OTOGL: variants seen among roughly 807,000 people sequenced by gnomAD.
OTOGL encodes the protein otogelin like.
A neutral mutation model predicts 318.5 loss-of-function variants in OTOGL; 285 were observed. The observed-to-expected ratio is 0.89, with a 90% CI of 0.81 to 0.99. The LOEUF (loss-of-function observed/expected upper bound fraction) is 0.99. Among genes scored for constraint, OTOGL ranks in the 50% least tolerant of loss-of-function variants. The pLI, the probability that OTOGL is intolerant of heterozygous loss-of-function variation, is 0.00. For synonymous variants in OTOGL, 987 were observed against 936.5 expected (o/e 1.05, Z -0.99); for missense variants, 2,899 against 2,845.6 (o/e 1.02, Z -0.43).
intron 4 of OTOGL, among the ~76,000 whole-genome samples, chr12:80,214,272 AG>A (rs1877512596): frequency 6.6e-6 from 1 of 152,252 alleles, no homozygotes; most frequent in Admixed American, 6.5e-5. Context: ...GATGTGAAGA[AG>A]GGAGAAAATA....
chr12:80,184,719 T>C (rs565799116), intron 1 of OTOGL, among the ~76,000 whole-genome samples: 2 of 152,324 alleles, frequency 1.3e-5, no homozygotes, highest in East Asian at 3.9e-4. Context: ...ACTGTGCCAC[T>C]GAATCGGTGT....
At chr12:80,323,055 C>G (rs1312882394) in intron 34 of OTOGL, among the ~76,000 whole-genome samples, 2 of 148,642 alleles carry the variant, frequency 1.3e-5, no homozygotes, top group South Asian at 2.2e-4. Flanking sequence ...AAATTCTAAA[C>G]AAGTGTTTGG....
intron 30 of OTOGL, 50 bp from the exon 31 acceptor site, chr12:80,313,426 T>G: frequency 6.6e-7 from 1 of 1,511,562 alleles, no homozygotes; most frequent in Non-Finnish European, 9.1e-7. Flanking sequence ...TGACTTTAAA[T>G]CATAATCAGT....
chr12:80,344,571 T>C (rs1012947594), intron 44 of OTOGL, among the ~76,000 whole-genome samples: 4 of 152,178 alleles, frequency 2.6e-5, no homozygotes, highest in African/African-American at 7.2e-5. Flanking sequence ...TAAATGGGCA[T>C]CAAATTATGT....
intron 37 of OTOGL, among the ~76,000 whole-genome samples, chr12:80,330,865 C>T (rs1048374726): frequency 2.0e-5 from 3 of 152,016 alleles, no homozygotes; most frequent in African/African-American, 7.3e-5. Context: ...ATAAAGAAAA[C>T]AATTGCATTT....
At chr12:80,105,004 G>A (rs1348709495) in intron 1 of OTOGL, among the ~76,000 whole-genome samples, 3 of 152,158 alleles carry the variant, frequency 2.0e-5, no homozygotes, top group African/African-American at 7.2e-5. Context: ...GCTGAGGCAG[G>A]AGAATCGCTT....
At chr12:80,123,028 T>C (rs1432527792) in intron 1 of OTOGL, among the ~76,000 whole-genome samples, 1 of 151,614 alleles carries the variant, frequency 6.6e-6, no homozygotes, top group Non-Finnish European at 1.5e-5. Context: ...CCTGGTGATT[T>C]CTTTTCTTTT....
At chr12:80,353,146 C>CA in intron 45 of OTOGL, among the ~76,000 whole-genome samples, 179 bp from the exon 46 acceptor site, 1 of 152,224 alleles carries the variant, frequency 6.6e-6, no homozygotes. Flanking sequence ...ATGCAAAAAA[C>CA]AAACACATTG....
intron 32 of OTOGL, among the ~76,000 whole-genome samples, chr12:80,315,535 G>C (rs1886915128): frequency 6.6e-6 from 1 of 152,142 alleles, no homozygotes; most frequent in South Asian, 2.1e-4. Context: ...GACAAGTAAG[G>C]TGATCTAGGG....
chr12:80,275,388 G>T lies in OTOGL; in HGVS notation c.2682-2780G>T. Among the ~76,000 whole-genome samples the T allele has an allele frequency of 1.3e-5, 2 of 151,930 alleles. 1 individual carries two copies. Among genetic ancestry groups the T allele is most frequent in the East Asian group, 3.9e-4 (2 of 5,178 alleles). The stretch of plus-strand genomic sequence containing the variant: ...ACTAGAATTAGAAGTGAAGCCTGAA[G>T]ATATGACTGATTTGCTTCAATCTCA... On this transcript the variant is annotated intron_variant, in intron 24 of 58. Transcript: ENST00000547103.
In OTOGL at chr12:80,368,224, C is replaced by G. The variant is rs1278997116; in HGVS notation, c.6530C>G (p.Ser2177Cys). Residue 2177 changes from serine (S) to cysteine (C), a missense_variant, in exon 55 of 59, where the codon TCC (serine) becomes TGC (cysteine). By Grantham distance (112) the Ser-to-Cys change is moderately radical. Transcript: ENST00000547103. ...KCDVHQVYTP[S>C]PSDYGCCGTC... ...ATGCAGCACCAGGTATATACTCCAT[C>G]CCCAAGTGATTATGGTTGTTGTGGT... 2 of 1,600,286 alleles carry G rather than the reference C, an allele frequency of 1.2e-6. No homozygotes were observed. The highest frequency in any genetic ancestry group is 1.7e-6 in the Non-Finnish European group (2 of 1,171,712).
intron 26 of OTOGL, among the ~76,000 whole-genome samples, chr12:80,284,039 C>A (rs912980024): frequency 1.3e-5 from 2 of 152,034 alleles, no homozygotes; most frequent in African/African-American, 4.8e-5. Context: ...CTTCCCCATC[C>A]CCTGACAGAC....
chr12:80,125,907 A>G (rs1420004781), intron 1 of OTOGL, among the ~76,000 whole-genome samples: 6 of 151,628 alleles, frequency 4.0e-5, no homozygotes, highest in Non-Finnish European at 8.8e-5. Context: ...TTTTTTTATT[A>G]CATCTATTTG....
chr12:80,222,922 G>A (rs1414721692), intron 7 of OTOGL, among the ~76,000 whole-genome samples: 2 of 150,654 alleles, frequency 1.3e-5, no homozygotes, highest in Admixed American at 6.6e-5. Flanking sequence ...TTTTTCATAG[G>A]TTTTTGGGGG....
intron 26 of OTOGL, among the ~76,000 whole-genome samples, chr12:80,286,201 C>T (rs972084049): frequency 6.6e-6 from 1 of 152,146 alleles, no homozygotes; most frequent in African/African-American, 2.4e-5. Flanking sequence ...GTTGAACCAG[C>T]TTTGCATCTC....
At chr12:80,154,193 C>T (rs1872969165) in intron 1 of OTOGL, among the ~76,000 whole-genome samples, 1 of 152,114 alleles carries the variant, frequency 6.6e-6, no homozygotes, top group South Asian at 2.1e-4. Context: ...CCTGTAGTCC[C>T]AGCTACTCGG....
At chr12:80,307,685 C>T (rs1363861710) in intron 29 of OTOGL, among the ~76,000 whole-genome samples, 9 of 143,288 alleles carry the variant, frequency 6.3e-5, no homozygotes, top group African/African-American at 1.3e-4. Flanking sequence ...CCAGTAGGGG[C>T]GGCCAGGCAG....
rs770580689 is a variant in OTOGL at position 80,336,118 on chromosome 12, C to T, written c.4578C>T (p.Cys1526=). The part of the protein sequence containing the change: ...GRPVQVNSDI[C]CPEWECPCRC... ...CAGTTCAAGTGAACAGTGATATCTG[C>T]TGCCCTGAGTGGGAATGTCCTTGTA... Residue 1526 remains cysteine, a synonymous_variant, in exon 39 of 59, where the codon TGC becomes TGT. Coordinates refer to ENST00000547103, the MANE Select transcript of OTOGL (RefSeq NM_001378609.3). 6.3e-7 allele frequency: 1 copy of T among 1,596,672 alleles called. No individual in the cohort carries two copies. The highest frequency in any genetic ancestry group is 1.7e-5 in the Admixed American group (1 of 59,458).
chr12:80,108,906 G>A (rs945052573), intron 1 of OTOGL, among the ~76,000 whole-genome samples: 3 of 124,638 alleles, frequency 2.4e-5, no homozygotes, highest in Non-Finnish European at 4.8e-5. Flanking sequence ...ATATATATGT[G>A]TATATATATG....
Sources: allele counts gnomAD v4.1 joint callset (sites outside exome capture counted in the v4.1 genomes callset), GRCh38; gene constraint gnomAD v4.1.1; transcripts MANE v1.5; gene names NCBI Gene and HGNC (gene_info 2026-07-23, HGNC 2026-07-21).